RBFOX1: variants seen among roughly 807,000 people sequenced by gnomAD.
RBFOX1 encodes RNA binding fox-1 homolog 1, also known as RNA binding protein fox-1 homolog 1.
RBFOX1 carries 8 observed loss-of-function variants against 57.7 expected under a neutral mutation model. The observed-to-expected ratio is 0.14, with a 90% CI of 0.08 to 0.25. The LOEUF (loss-of-function observed/expected upper bound fraction) is 0.25, where lower values mean the gene tolerates loss of function less well. Among genes scored for constraint, RBFOX1 ranks in the 10% least tolerant of loss-of-function variants. The probability of loss-of-function intolerance (pLI) is 1.00; values close to 1 mark genes in which losing one functional copy is unlikely to be tolerated. For missense variants in RBFOX1, 611 were observed against 548.5 expected (o/e 1.11, Z -1.14); for synonymous variants, 326 against 222.4 (o/e 1.47, Z -4.15).
At chr16:7,528,918 G>A (rs2063085) in intron 5 of RBFOX1, among the ~76,000 whole-genome samples, 2 of 152,062 alleles carry the variant, frequency 1.3e-5, no homozygotes, top group Non-Finnish European at 2.9e-5. Flanking sequence ...GTTCATCTAC[G>A]CTATCTTCTC....
intron 4 of RBFOX1, among the ~76,000 whole-genome samples, chr16:7,281,020 C>CTTCCTTCCCTCCTTCCTTCCTTTT (rs1421580499): frequency 8.7e-6 from 1 of 114,772 alleles, no homozygotes; most frequent in Non-Finnish European, 1.7e-5. Flanking sequence ...TCCTTCCTTC[C>CTTCCTTCCCTCCTTCCTTCCTTTT]GAGACAGAGT....
intron 2 of RBFOX1, among the ~76,000 whole-genome samples, chr16:6,437,887 A>G (rs1429581363): frequency 6.6e-6 from 1 of 152,144 alleles, no homozygotes; most frequent in African/African-American, 2.4e-5. Context: ...CTCCTCCAAC[A>G]TTAAGAGTTA....
chr16:5,819,031 C>G (rs550743034), intron 3 of RBFOX1, among the ~76,000 whole-genome samples: 4 of 152,312 alleles, frequency 2.6e-5, no homozygotes, highest in African/African-American at 9.6e-5. Flanking sequence ...CTCCTTGTCT[C>G]TGCTTTCTCT....
intron 1 of RBFOX1, among the ~76,000 whole-genome samples, chr16:6,300,067 T>C (rs114039004): frequency 5.9e-5 from 9 of 152,216 alleles, no homozygotes; most frequent in Non-Finnish European, 1.0e-4. Flanking sequence ...GAGGTCATTA[T>C]GTTAAGTAAA....
At chr16:6,157,565 C>T (rs1023624534) in intron 1 of RBFOX1, among the ~76,000 whole-genome samples, 3 of 152,106 alleles carry the variant, frequency 2.0e-5, no homozygotes, top group Non-Finnish European at 4.4e-5. Flanking sequence ...TTTTTGGACT[C>T]TTATTTGAAA....
At chr16:5,617,843 C>T (rs2048083404) in intron 3 of RBFOX1, among the ~76,000 whole-genome samples, 1 of 152,130 alleles carries the variant, frequency 6.6e-6, no homozygotes, top group African/African-American at 2.4e-5. Context: ...GAGAGTGTCT[C>T]TCCTTCCCCT....
chr16:6,999,225 A>ATTTTTTTTTTTTTTTTTTTTTTTTTTT (rs200620958), intron 3 of RBFOX1, among the ~76,000 whole-genome samples: 8 of 122,956 alleles, frequency 6.5e-5, no homozygotes, highest in Non-Finnish European at 1.0e-4. Context: ...TATTTTTTTT[A>ATTTTTTTTTTTTTTTTTTTTTTTTTTT]TTTATTTTTT....
At chr16:6,943,325 A>G (rs1259288627) in intron 3 of RBFOX1, among the ~76,000 whole-genome samples, 1 of 152,210 alleles carries the variant, frequency 6.6e-6, no homozygotes, top group African/African-American at 2.4e-5. Context: ...TATGGCTTGA[A>G]AAGGACTGCA....
chr16:5,671,931 A>G (rs1304496757), intron 3 of RBFOX1, among the ~76,000 whole-genome samples: 1 of 152,186 alleles, frequency 6.6e-6, no homozygotes, highest in Non-Finnish European at 1.5e-5. Flanking sequence ...TTTTCCAGGT[A>G]GAGTCACACT....
At chr16:7,056,376 T>C (rs2153738880) in intron 4 of RBFOX1, among the ~76,000 whole-genome samples, 1 of 152,316 alleles carries the variant, frequency 6.6e-6, no homozygotes, top group Admixed American at 6.5e-5. Context: ...CATTATTGGC[T>C]GGATTCTTCT....
chr16:7,481,225 G>T (rs1226558457), intron 4 of RBFOX1, among the ~76,000 whole-genome samples: 1 of 152,148 alleles, frequency 6.6e-6, no homozygotes, highest in African/African-American at 2.4e-5. Context: ...AAGTACTTGG[G>T]ATAAAATATA....
At chr16:5,394,478 G>A (rs2066495326) in intron 1 of RBFOX1, among the ~76,000 whole-genome samples, 1 of 151,476 alleles carries the variant, frequency 6.6e-6, no homozygotes. Flanking sequence ...TTTTGGACTT[G>A]ACCCCTGAAA....
intron 11 of RBFOX1, among the ~76,000 whole-genome samples, chr16:7,652,982 G>C (rs1012895141): frequency 6.6e-6 from 1 of 152,194 alleles, no homozygotes; most frequent in Non-Finnish European, 1.5e-5. Context: ...CACTCATGCA[G>C]TTCGGCCCCA....
chr16:7,112,066 GATAA>G (rs936089721), intron 4 of RBFOX1, among the ~76,000 whole-genome samples: 1 of 152,174 alleles, frequency 6.6e-6, no homozygotes, highest in African/African-American at 2.4e-5. Context: ...GTGTGAGAGA[GATAA>G]ATTAATTTCA....
At chr16:7,422,120 C>G (rs928078757) in intron 4 of RBFOX1, among the ~76,000 whole-genome samples, 1 of 152,122 alleles carries the variant, frequency 6.6e-6, no homozygotes, top group Non-Finnish European at 1.5e-5. Flanking sequence ...GCCTGTGATT[C>G]TGGGCCACAT....
intron 2 of RBFOX1, among the ~76,000 whole-genome samples, chr16:6,639,132 G>C (rs1004949070): frequency 2.0e-4 from 31 of 152,180 alleles, no homozygotes; most frequent in Admixed American, 1.2e-3. Flanking sequence ...TACTCAATAG[G>C]ATGCATAAGA....
At chr16:7,054,224 G>GA (rs1344891637) in intron 4 of RBFOX1, among the ~76,000 whole-genome samples, 1 of 91,360 alleles carries the variant, frequency 1.1e-5, no homozygotes, top group Non-Finnish European at 2.0e-5. Flanking sequence ...GGGGGGGGGG[G>GA]GCGGGGAGCT....
At chr16:7,147,490 C>T (rs1373625713) in intron 4 of RBFOX1, among the ~76,000 whole-genome samples, 1 of 152,010 alleles carries the variant, frequency 6.6e-6, no homozygotes, top group East Asian at 1.9e-4. Context: ...ATCTCATAGT[C>T]TCCAGTGTCT....
chr16:7,458,293 G>T (rs1057512153), intron 4 of RBFOX1, among the ~76,000 whole-genome samples: 2 of 152,120 alleles, frequency 1.3e-5, no homozygotes, highest in Non-Finnish European at 2.9e-5. Context: ...TTATGTGATT[G>T]TGTGTCTCTC....
Sources: gnomAD v4.1 joint callset for allele counts (sites outside exome capture counted in the v4.1 genomes callset) on GRCh38, gnomAD v4.1.1 for gene constraint, MANE v1.5 for transcripts, NCBI Gene and HGNC (gene_info 2026-07-23, HGNC 2026-07-21) for gene names.